DPF3: variants seen among roughly 807,000 people sequenced by gnomAD.
DPF3 encodes the protein zinc finger protein DPF3.
Under a neutral mutation model 56.8 loss-of-function variants are expected in DPF3, and 18 were observed. That is an observed-to-expected ratio of 0.32 (90% CI 0.22 to 0.47). The LOEUF (loss-of-function observed/expected upper bound fraction) is 0.47, where lower values mean the gene tolerates loss of function less well. Ranked by LOEUF, DPF3 falls within the 20% of genes least tolerant of loss-of-function variation. The pLI, the probability that DPF3 is intolerant of heterozygous loss-of-function variation, is 1.00. For synonymous variants in DPF3, 188 were observed against 180.2 expected, an observed-to-expected ratio of 1.04 and a Z score of -0.35; for missense variants, 403 against 488.8, an observed-to-expected ratio of 0.82 and a Z score of 1.65.
At position 72,819,885 on chromosome 14, in the gene DPF3, C is replaced by A. The variant is rs528716131; in HGVS notation, c.33-47992G>T. On this transcript the variant is annotated intron_variant, in intron 1 of 10. Coordinates refer to ENST00000556509, the MANE Select transcript of DPF3 (RefSeq NM_001280542.3). The stretch of plus-strand genomic sequence containing the variant: ...CCCAGGAGGCAAAGGTTGCAGTGAG[C>A]TGAGATTGCACCACTACACTCCAAC... Among the ~76,000 whole-genome samples the A allele has an allele frequency of 2.0e-5, 3 of 152,268 alleles. No individual in the cohort carries two copies. The South Asian group carries it at 6.2e-4, about 32-fold the overall frequency.
chr14:72,625,951 T>G (rs991882), intron 9 of DPF3, among the ~76,000 whole-genome samples: 7,129 of 152,252 alleles, frequency 0.047, 348 homozygotes, highest in East Asian at 0.15. Context: ...CCTATGAAAA[T>G]AAATTAACTA....
At chr14:72,867,583 G>A (rs1359892142) in intron 1 of DPF3, among the ~76,000 whole-genome samples, 2 of 152,142 alleles carry the variant, frequency 1.3e-5, no homozygotes, top group Non-Finnish European at 2.9e-5. Flanking sequence ...TCATTCAATA[G>A]ACATAAAAAC....
intron 8 of DPF3, chr14:72,670,368 G>C (rs1007913509): frequency 5.1e-6 from 5 of 986,088 alleles, no homozygotes; most frequent in Non-Finnish European, 6.0e-6. Flanking sequence ...TGACGGAGGA[G>C]GAGGAGCCCA....
chr14:72,705,947 A>AG (rs975951658), intron 6 of DPF3, among the ~76,000 whole-genome samples: 3 of 151,542 alleles, frequency 2.0e-5, no homozygotes, highest in African/African-American at 4.9e-5. Context: ...GAGAAAAAAA[A>AG]AGAGAGAGAG....
intron 1 of DPF3, among the ~76,000 whole-genome samples, chr14:72,858,387 C>G (rs1484893552): frequency 7.1e-6 from 1 of 140,896 alleles, no homozygotes; most frequent in Admixed American, 6.9e-5. Flanking sequence ...CTAAATCCCA[C>G]AGGCTACAGA....
intron 1 of DPF3, among the ~76,000 whole-genome samples, chr14:72,885,800 C>G (rs538725018): frequency 6.6e-6 from 1 of 152,120 alleles, no homozygotes; most frequent in Non-Finnish European, 1.5e-5. Flanking sequence ...TGAAACAACC[C>G]AAATGCCCAT....
rs529012386 is a variant in DPF3, at chr14:72,612,489, G to A, written c.*6808C>T. On this transcript the variant is annotated 3_prime_UTR_variant, in exon 11 of 11. Transcript: ENST00000556509. ...TCAACTACATGTTGAAAATGTGCAC[G>A]GGGTATATTTTCTTTTTCCTATACG... 3.7e-4 allele frequency: 193 copies of A among 518,612 alleles called. 2 individuals carry two copies. Among genetic ancestry groups the A allele is most frequent in the South Asian group, 2.4e-3 (175 of 71,562 alleles). 32.1% of individuals were successfully genotyped at this position (518,612 alleles called of 1,614,324 possible). A position where few individuals can be genotyped will look rare whatever the true frequency, so the allele number is the denominator to read the frequency against.
rs144709277 is a variant in DPF3, at chr14:72,665,118, G to C, written c.871+9122C>G. Among the ~76,000 whole-genome samples, 157 of 152,102 alleles carry C rather than the reference G, an allele frequency of 1.0e-3. 1 individual carries two copies. The highest frequency in any genetic ancestry group is 3.5e-3 in the African/African-American group (146 of 41,444). On this transcript the variant is annotated intron_variant, in intron 8 of 10. Coordinates refer to ENST00000556509, the MANE Select transcript of DPF3 (RefSeq NM_001280542.3). ...TCTGGAGCTCTTTGTTGATCTAGAT[G>C]GCTTCCTCCAAGAAAATCTTCTTGT...
intron 4 of DPF3, among the ~76,000 whole-genome samples, chr14:72,730,184 G>A (rs1889581640): frequency 6.6e-6 from 1 of 152,032 alleles, no homozygotes; most frequent in South Asian, 2.1e-4. Flanking sequence ...GGCCAGGGTA[G>A]CAGTGGTGGG....
chr14:72,805,961 T>C (rs1202117786), intron 1 of DPF3: 1 of 152,204 alleles, frequency 6.6e-6, no homozygotes, highest in Non-Finnish European at 1.5e-5. Context: ...TGTGGTCCCA[T>C]GGGTTCCACC....
intron 3 of DPF3, among the ~76,000 whole-genome samples, chr14:72,748,690 CCTAGGGA>C (rs956299252): frequency 6.6e-6 from 1 of 152,160 alleles, no homozygotes; most frequent in Non-Finnish European, 1.5e-5. Flanking sequence ...TTATGTGCAG[CCTAGGGA>C]CTTGGTGTCC....
chr14:72,684,305 C>T (rs976740000), intron 7 of DPF3, among the ~76,000 whole-genome samples: 2 of 152,130 alleles, frequency 1.3e-5, no homozygotes, highest in East Asian at 1.9e-4. Flanking sequence ...GCTCAGCCTC[C>T]CAAACTGCTG....
At chr14:72,871,224 G>T (rs112151398) in intron 1 of DPF3, among the ~76,000 whole-genome samples, 1 of 152,254 alleles carries the variant, frequency 6.6e-6, no homozygotes, top group South Asian at 2.1e-4. Flanking sequence ...TGAGATTTAC[G>T]TGGGGACACA....
rs143267527 is a variant in DPF3 at position 72,777,212 on chromosome 14, C to T, written c.33-5319G>A. Reference sequence around the variant, plus strand: ...ACTCAGCTGTTCACACCGCCAGAGCCGCCCACAAACACACACGAAAGCTCA... The same window carrying T: ...ACTCAGCTGTTCACACCGCCAGAGCTGCCCACAAACACACACGAAAGCTCA... On this transcript the variant is annotated intron_variant, in intron 1 of 10. Coordinates refer to ENST00000556509, the MANE Select transcript of DPF3 (RefSeq NM_001280542.3). Among the ~76,000 whole-genome samples the T allele has an allele frequency of 2.6e-3, 387 of 150,710 alleles. 4 individuals carry two copies. Among genetic ancestry groups the T allele is most frequent in the African/African-American group, 8.1e-3 (333 of 40,870 alleles).
intron 1 of DPF3, among the ~76,000 whole-genome samples, chr14:72,887,608 T>G (rs1886597302): frequency 6.6e-6 from 1 of 152,176 alleles, no homozygotes; most frequent in African/African-American, 2.4e-5. Context: ...TCCACCATAA[T>G]AAGAGCCAGA....
At chr14:72,707,914 T>G (rs780579174) in intron 6 of DPF3, among the ~76,000 whole-genome samples, 1 of 152,030 alleles carries the variant, frequency 6.6e-6, no homozygotes, top group Non-Finnish European at 1.5e-5. Context: ...CTGTAATTCC[T>G]GATTATTCTG....
At chr14:72,771,705 C>T (rs754256322) in intron 2 of DPF3, 28 bp downstream of exon 2, 23 of 1,595,214 alleles carry the variant, frequency 1.4e-5, no homozygotes, top group Admixed American at 1.7e-5. Context: ...CCTGCACATG[C>T]GCATGTCCCA....
intron 1 of DPF3, among the ~76,000 whole-genome samples, chr14:72,772,782 C>A (rs1891587094): frequency 6.6e-6 from 1 of 152,096 alleles, no homozygotes; most frequent in South Asian, 2.1e-4. Flanking sequence ...AGATCAAATA[C>A]CTACCAAATA....
rs930381015 is a variant in DPF3 at position 72,882,019 on chromosome 14, C to T, written c.32+12038G>A. Among the ~76,000 whole-genome samples the T allele has an allele frequency of 4.6e-5, 7 of 152,144 alleles. 1 individual carries two copies. The highest frequency in any genetic ancestry group is 1.7e-4 in the African/African-American group (7 of 41,426). On this transcript the variant is annotated intron_variant, in intron 1 of 10. Transcript: ENST00000556509. ...ACTTAGGACTGTGACGTTGGAACCT[C>T]TGATATCGCCCCCAAAGGCCGAAGC... is the stretch of plus-strand genomic sequence containing the variant.
Sources: allele counts gnomAD v4.1 joint callset (sites outside exome capture counted in the v4.1 genomes callset), GRCh38; gene constraint gnomAD v4.1.1; transcripts MANE v1.5; gene names NCBI Gene and HGNC (gene_info 2026-07-23, HGNC 2026-07-21).